The following CALN1 variants were observed in gnomAD, a reference collection of about 807,000 sequenced individuals.
The protein encoded by CALN1 is calcium-binding protein 8.
In CALN1, 17 loss-of-function variants were observed where a neutral mutation model predicts 30.6. That is an observed-to-expected ratio of 0.56 (90% CI 0.38 to 0.83). The LOEUF (loss-of-function observed/expected upper bound fraction) is 0.83. Among genes scored for constraint, CALN1 ranks in the 40% least tolerant of loss-of-function variants. The probability of loss-of-function intolerance (pLI) is 0.00; values close to 1 mark genes in which losing one functional copy is unlikely to be tolerated. For synonymous variants in CALN1, 156 were observed against 131.4 expected (o/e 1.19, Z -1.28); for missense variants, 291 against 354.9 (o/e 0.82, Z 1.45).
chr7:72,054,409 A>ACATATG (rs1406122233), intron 4 of CALN1, among the ~76,000 whole-genome samples: 3 of 102,982 alleles, frequency 2.9e-5, no homozygotes, highest in Non-Finnish European at 1.8e-5. Flanking sequence ...GTACATATAT[A>ACATATG]TATATATACG....
chr7:71,875,473 G>A lies in CALN1; in HGVS notation c.502-64981C>T, dbSNP rs372507505. Among the ~76,000 whole-genome samples, 3 of 152,302 alleles carry A rather than the reference G, an allele frequency of 2.0e-5. No homozygotes were observed. The East Asian group carries it at 5.8e-4, about 29-fold the overall frequency. Reference sequence around the variant, plus strand: ...GAATGCCAACTTTTGATGGCACTGTGTGTGCTTAACTCTGATATAATGAAG... The same window carrying A: ...GAATGCCAACTTTTGATGGCACTGTATGTGCTTAACTCTGATATAATGAAG... On this transcript the variant is annotated intron_variant, in intron 5 of 6. Coordinates refer to ENST00000395275, the MANE Select transcript of CALN1 (RefSeq NM_031468.4).
intron 5 of CALN1, among the ~76,000 whole-genome samples, chr7:71,950,022 A>G (rs1361631676): frequency 2.0e-5 from 3 of 152,082 alleles, no homozygotes; most frequent in African/African-American, 7.2e-5. Flanking sequence ...TCAGCCTCCC[A>G]AAGTGTTGGG....
At chr7:72,097,741 T>A (rs1041775788) in intron 4 of CALN1, among the ~76,000 whole-genome samples, 4 of 151,452 alleles carry the variant, frequency 2.6e-5, no homozygotes, top group Non-Finnish European at 4.4e-5. Flanking sequence ...TGAGACAGAG[T>A]CTCACTAGGA....
chr7:71,842,753 C>T (rs2116508792), intron 5 of CALN1, among the ~76,000 whole-genome samples: 1 of 152,294 alleles, frequency 6.6e-6, no homozygotes, highest in Non-Finnish European at 1.5e-5. Context: ...AACCCCATAA[C>T]TATTAGTACT....
chr7:72,162,069 A>G (rs1331504527), intron 3 of CALN1, among the ~76,000 whole-genome samples: 1 of 151,580 alleles, frequency 6.6e-6, no homozygotes, highest in African/African-American at 2.4e-5. Flanking sequence ...TTTCAACAAC[A>G]TTCTATAAGA....
intron 2 of CALN1, among the ~76,000 whole-genome samples, chr7:72,334,735 C>A (rs1801899197): frequency 6.6e-6 from 1 of 152,234 alleles, no homozygotes; most frequent in East Asian, 1.9e-4. Flanking sequence ...TTTAGCTCTC[C>A]TCCAATAAAA....
chr7:71,967,473 A>T (rs961996316), intron 5 of CALN1, among the ~76,000 whole-genome samples: 1 of 151,892 alleles, frequency 6.6e-6, no homozygotes, highest in African/African-American at 2.4e-5. Context: ...ACTAAAAATC[A>T]AACAAATTAA....
upstream of CALN1, chr7:72,447,140 G>A: frequency 6.0e-6 from 1 of 166,820 alleles, no homozygotes; most frequent in Non-Finnish European, 1.3e-5. Context: ...CAGCTCCTCA[G>A]AATGATGGAC....
At chr7:71,962,334 T>C (rs1340250923) in intron 5 of CALN1, among the ~76,000 whole-genome samples, 1 of 152,084 alleles carries the variant, frequency 6.6e-6, no homozygotes, top group African/African-American at 2.4e-5. Context: ...GCCCAGGAGT[T>C]TGAGGCTGCA....
At chr7:71,957,758 C>G (rs1797034124) in intron 5 of CALN1, among the ~76,000 whole-genome samples, 1 of 151,904 alleles carries the variant, frequency 6.6e-6, no homozygotes, top group South Asian at 2.1e-4. Flanking sequence ...TGGCTCACAC[C>G]TCGCACTAAG....
chr7:72,261,128 T>A (rs1190466697), intron 3 of CALN1, among the ~76,000 whole-genome samples: 1 of 152,058 alleles, frequency 6.6e-6, no homozygotes, highest in Non-Finnish European at 1.5e-5. Context: ...GCCAACATAG[T>A]GAAACCCATC....
intron 3 of CALN1, among the ~76,000 whole-genome samples, chr7:72,144,251 C>T (rs1432512435): frequency 6.6e-6 from 1 of 152,096 alleles, no homozygotes; most frequent in Admixed American, 6.6e-5. Flanking sequence ...CAGAGACACA[C>T]ATAGGCTCAA....
upstream of CALN1, among the ~76,000 whole-genome samples, chr7:72,413,264 TCACACACACATG>T (rs565994448): frequency 0.012 from 1,849 of 148,516 alleles, 28 homozygotes; most frequent in African/African-American, 0.043. Flanking sequence ...ACATATACAT[TCACACACACATG>T]CACACACACA....
chr7:71,846,816 CATAA>C (rs1410891125), intron 5 of CALN1, among the ~76,000 whole-genome samples: 6 of 113,626 alleles, frequency 5.3e-5, no homozygotes, highest in South Asian at 6.2e-4. Context: ...GCAATATATA[CATAA>C]ATATGTGTAT....
intron 2 of CALN1, among the ~76,000 whole-genome samples, chr7:72,330,049 G>C (rs1178106037): frequency 6.6e-6 from 1 of 151,982 alleles, no homozygotes. Context: ...CCAGCACTTT[G>C]GGAGGCTGAG....
chr7:72,384,957 G>A (rs1226534258), intron 2 of CALN1, among the ~76,000 whole-genome samples: 1 of 151,914 alleles, frequency 6.6e-6, no homozygotes, highest in Non-Finnish European at 1.5e-5. Flanking sequence ...ACTCAAAAAT[G>A]AAAAAAACAA....
intron 3 of CALN1, among the ~76,000 whole-genome samples, chr7:72,172,676 A>G (rs1045898132): frequency 3.3e-5 from 5 of 152,226 alleles, no homozygotes; most frequent in African/African-American, 7.2e-5. Context: ...CTTCAACTGA[A>G]TAAGTTGAAA....
intron 2 of CALN1, among the ~76,000 whole-genome samples, chr7:72,314,486 C>T (rs1389787275): frequency 6.6e-6 from 1 of 150,968 alleles, no homozygotes; most frequent in Non-Finnish European, 1.5e-5. Context: ...TGCAGTGGCA[C>T]AATTTTGGCT....
chr7:72,091,098 G>C (rs2129539768), intron 4 of CALN1, among the ~76,000 whole-genome samples: 1 of 152,264 alleles, frequency 6.6e-6, no homozygotes, highest in African/African-American at 2.4e-5. Flanking sequence ...GAGGCAGAGG[G>C]TGGGCGGATC....
Sources: gnomAD v4.1 joint callset for allele counts (sites outside exome capture counted in the v4.1 genomes callset) on GRCh38, gnomAD v4.1.1 for gene constraint, MANE v1.5 for transcripts, NCBI Gene and HGNC (gene_info 2026-07-23, HGNC 2026-07-21) for gene names.